Variants in KIAA1549 observed in about 807,000 individuals in gnomAD.
The protein encoded by KIAA1549 is UPF0606 protein KIAA1549.
In KIAA1549, 70 loss-of-function variants were observed where a neutral mutation model predicts 156.4. The ratio of observed to expected loss-of-function variants is 0.45; its 90% CI spans 0.37 to 0.55. KIAA1549 has a LOEUF of 0.55. KIAA1549 is among the 20% of genes least tolerant of loss of function. The pLI, the probability that KIAA1549 is intolerant of heterozygous loss-of-function variation, is 0.00. For synonymous variants in KIAA1549, 1,103 were observed against 1,066.4 expected, an observed-to-expected ratio of 1.03 and a Z score of -0.67; for missense variants, 2,428 against 2,540.9, an observed-to-expected ratio of 0.96 and a Z score of 0.96.
intron 12 of KIAA1549, among the ~76,000 whole-genome samples, 174 bp downstream of exon 12, chr7:138,879,364 C>T (rs979066389): frequency 6.6e-6 from 1 of 152,134 alleles, no homozygotes; most frequent in Non-Finnish European, 1.5e-5. Flanking sequence ...CCAAAGCAGA[C>T]ACCAATACCA....
In KIAA1549 at chr7:138,916,898, G is replaced by A. The variant is rs748381635; in HGVS notation, c.2728C>T (p.Pro910Ser). ...LMGDAASQSP[P>S]ESSAAPPLPS... ...AGGGGAGGAGCAGCACTACTCTCTG[G>A]GGGGCTCTGACTTGCGGCGTCACCC... Residue 910 changes from proline to serine, a missense_variant, in exon 2 of 20, where the codon CCA becomes TCA. This residue lies in a region of KIAA1549 where 762 missense variants were observed against 901.6 expected (regional missense o/e 0.85). Coordinates refer to ENST00000422774, the MANE Select transcript of KIAA1549 (RefSeq NM_001164665.2). 4 of 1,613,716 alleles carry A rather than the reference G, an allele frequency of 2.5e-6. No individual in the cohort carries two copies. Among genetic ancestry groups the A allele is most frequent in the East Asian group, 4.5e-5 (2 of 44,876 alleles).
At chr7:138,890,499 T>G (rs1811517451) in intron 10 of KIAA1549, among the ~76,000 whole-genome samples, 1 of 152,246 alleles carries the variant, frequency 6.6e-6, no homozygotes, top group South Asian at 2.1e-4. Context: ...TTGCCATCTG[T>G]TTGTCTTCAG....
At chr7:138,863,760 G>A (rs1302148274) in intron 15 of KIAA1549, among the ~76,000 whole-genome samples, 2 of 152,098 alleles carry the variant, frequency 1.3e-5, no homozygotes, top group East Asian at 1.9e-4. Flanking sequence ...CCCCACTGGC[G>A]ACCTCCCTCT....
chr7:138,926,045 G>C (rs1812708847), intron 1 of KIAA1549, among the ~76,000 whole-genome samples: 1 of 152,024 alleles, frequency 6.6e-6, no homozygotes, highest in Non-Finnish European at 1.5e-5. Flanking sequence ...GAGGCCCAAG[G>C]GACAGCAGTA....
rs1407679612 is a variant in KIAA1549 at position 138,852,071 on chromosome 7, AC to A, written c.5294+151del. Among the ~76,000 whole-genome samples, 4 of 152,348 alleles carry A rather than the reference AC, an allele frequency of 2.6e-5. No individual in the cohort carries two copies. The East Asian group carries it at 7.7e-4, about 29-fold the overall frequency. ...TTACTGGAACAGAACTTAAATTCCA[AC>A]TATTTTTCCCTCCTCTTCTGGTTAG... On this transcript the variant is annotated intron_variant, in intron 17 of 19. Transcript: ENST00000422774.
chr7:138,864,337 T>C (rs1239722193), intron 15 of KIAA1549, among the ~76,000 whole-genome samples: 4 of 152,098 alleles, frequency 2.6e-5, no homozygotes, highest in African/African-American at 7.2e-5. Context: ...CCGAGAGAGA[T>C]GATCTGCAGA....
intron 18 of KIAA1549, 32 bp downstream of exon 18, chr7:138,844,285 C>A (rs1403176358): frequency 6.2e-7 from 1 of 1,613,430 alleles, no homozygotes; most frequent in Non-Finnish European, 8.5e-7. Flanking sequence ...TGTCCCGTAG[C>A]TCAGAAATGG....
At chr7:138,971,030 G>A (rs1316340437) in intron 1 of KIAA1549, among the ~76,000 whole-genome samples, 5 of 152,130 alleles carry the variant, frequency 3.3e-5, no homozygotes, top group South Asian at 4.1e-4. Context: ...TAGGAGTGAG[G>A]AGCCCTCCCA....
In KIAA1549 at chr7:138,862,107, TAGA is replaced by T. The variant is rs367546965; in HGVS notation, c.4930-654_4930-652del. Among the ~76,000 whole-genome samples, 287 of 152,270 alleles carry T rather than the reference TAGA, an allele frequency of 1.9e-3. 1 individual carries two copies. In the Middle Eastern group the frequency reaches 0.034, roughly 18 times the overall value. Reference sequence around the variant, plus strand: ...AAAAAACTAGTAAATTTTCCCTAGCTAGAAGTCAATAAGTAAAGTAGTCTATTG... The same window carrying T: ...AAAAAACTAGTAAATTTTCCCTAGCTAGTCAATAAGTAAAGTAGTCTATTG... On this transcript the variant is annotated intron_variant, in intron 15 of 19. Transcript: ENST00000422774.
intron 17 of KIAA1549, among the ~76,000 whole-genome samples, chr7:138,850,830 T>C (rs1350783322): frequency 1.3e-5 from 2 of 152,186 alleles, no homozygotes; most frequent in Non-Finnish European, 2.9e-5. Flanking sequence ...TTTTATAGTT[T>C]TGGGTTTTAT....
chr7:138,882,307 GA>G (rs1563061559), intron 10 of KIAA1549, among the ~76,000 whole-genome samples: 2 of 152,230 alleles, frequency 1.3e-5, no homozygotes, highest in Admixed American at 1.3e-4. Flanking sequence ...AAGCCAAATA[GA>G]CAAGAGAGGC....
chr7:138,958,785 A>G (rs1049797811), intron 1 of KIAA1549, among the ~76,000 whole-genome samples: 1 of 152,232 alleles, frequency 6.6e-6, no homozygotes, highest in African/African-American at 2.4e-5. Flanking sequence ...AAGATGATCC[A>G]AACAAACCAG....
intron 1 of KIAA1549, among the ~76,000 whole-genome samples, chr7:138,922,844 T>G (rs896531315): frequency 6.6e-6 from 1 of 151,680 alleles, no homozygotes; most frequent in Non-Finnish European, 1.5e-5. Flanking sequence ...AAAAATAAAA[T>G]GGAATAGGGT....
chr7:138,880,232 C>G (rs1031968317), intron 11 of KIAA1549, among the ~76,000 whole-genome samples: 1 of 152,198 alleles, frequency 6.6e-6, no homozygotes, highest in African/African-American at 2.4e-5. Context: ...CCAAGACATT[C>G]TGGTGCCCAG....
intron 13 of KIAA1549, 81 bp downstream of exon 13, chr7:138,871,076 C>G (rs78932570): frequency 0.011 from 15,051 of 1,375,864 alleles, 114 homozygotes; most frequent in African/African-American, 0.017. Flanking sequence ...CTTGGCCCCC[C>G]CAAGTGCTGG....
intron 1 of KIAA1549, among the ~76,000 whole-genome samples, chr7:138,926,133 CATG>C (rs1563081015): frequency 6.6e-6 from 1 of 152,160 alleles, no homozygotes; most frequent in Non-Finnish European, 1.5e-5. Context: ...GTTTCTAAAA[CATG>C]ATGAGTCATC....
chr7:138,912,289 C>G, intron 3 of KIAA1549, 83 bp downstream of exon 3: 1 of 935,202 alleles, frequency 1.1e-6, no homozygotes, highest in South Asian at 1.3e-5. Context: ...ATTCCATGGC[C>G]ATAATCACCT....
In KIAA1549 at chr7:138,861,173, T is replaced by C. The variant is rs1445624122; in HGVS notation, c.5213A>G (p.Tyr1738Cys). The change falls in exon 16 of 20, where the codon TAC (tyrosine) becomes TGC (cysteine). Residue 1738 changes from tyrosine to cysteine, a missense_variant. Transcript: ENST00000422774. ...ERRATQWGSF[Y>C]SPAQTANNPC... ...ATTGTTGGCCGTCTGGGCTGGGCTGTAGAAGGACCCCCACTGGGTGGCTCG... is the reference window on the plus strand; with the variant it reads ...ATTGTTGGCCGTCTGGGCTGGGCTGCAGAAGGACCCCCACTGGGTGGCTCG... The C allele has an allele frequency of 6.2e-7, 1 of 1,613,818 alleles. No individual in the cohort carries two copies. Among genetic ancestry groups the C allele is most frequent in the Non-Finnish European group, 8.5e-7 (1 of 1,179,864 alleles).
intron 15 of KIAA1549, among the ~76,000 whole-genome samples, chr7:138,864,696 A>C (rs115153362): frequency 0.012 from 1,814 of 152,332 alleles, 37 homozygotes; most frequent in African/African-American, 0.042. Flanking sequence ...CTGGTTGTCC[A>C]GGACAACCTC....
Sources: allele counts gnomAD v4.1 joint callset (sites outside exome capture counted in the v4.1 genomes callset), GRCh38; gene constraint gnomAD v4.1.1; regional missense constraint gnomAD v4.1.1; transcripts MANE v1.5; gene names NCBI Gene and HGNC (gene_info 2026-07-23, HGNC 2026-07-21).